Variants in LRP2 observed in about 807,000 individuals in gnomAD.
LRP2 encodes LDL receptor related protein 2, also known as low-density lipoprotein receptor-related protein 2.
Under a neutral mutation model 531.0 loss-of-function variants are expected in LRP2, and 172 were observed. The ratio of observed to expected loss-of-function variants is 0.32; its 90% CI spans 0.29 to 0.37. LRP2 has a LOEUF of 0.37. Among genes scored for constraint, LRP2 ranks in the 10% least tolerant of loss-of-function variants. The probability of loss-of-function intolerance (pLI) is 1.00; values close to 1 mark genes in which losing one functional copy is unlikely to be tolerated. For missense variants in LRP2, 5,167 were observed against 5,868.3 expected (o/e 0.88, Z 3.90); for synonymous variants, 1,992 against 2,027.6 (o/e 0.98, Z 0.47).
At chr2:169,146,629 C>T in intron 69 of LRP2, 110 bp downstream of exon 69, 1 of 893,900 alleles carries the variant, frequency 1.1e-6, no homozygotes, top group Non-Finnish European at 1.7e-6. Context: ...ATCTAAAAAA[C>T]TATATAAGCC....
At chr2:169,140,101 T>C (rs1685664935) in intron 72 of LRP2, among the ~76,000 whole-genome samples, 1 of 152,242 alleles carries the variant, frequency 6.6e-6, no homozygotes, top group South Asian at 2.1e-4. Context: ...AGCCCTGTTG[T>C]AATCAACAAT....
At chr2:169,354,837 A>G (rs1685947043) in intron 1 of LRP2, among the ~76,000 whole-genome samples, 1 of 152,222 alleles carries the variant, frequency 6.6e-6, no homozygotes, top group African/African-American at 2.4e-5. Context: ...GGACACTCAG[A>G]TGTGCACCAA....
chr2:169,154,597 G>A lies in LRP2; in HGVS notation c.12158C>T (p.Ser4053Phe). 3 of 1,613,384 alleles carry A rather than the reference G, an allele frequency of 1.9e-6. No homozygotes were observed. In the South Asian group the frequency reaches 3.3e-5, roughly 18 times the overall value. The stretch of plus-strand genomic sequence containing the variant: ...ATTGTCAGGCAGTAGCAACAAAGGA[G>A]AGCTACCTGTAAACAAACAAAGGGC... ...PGKRCAAEGSSPLLLLPDNVR... is the reference protein window; with the variant it reads ...PGKRCAAEGSFPLLLLPDNVR... The change falls in exon 66 of 79, where the codon TCT becomes TTT. Residue 4053 changes from serine (S) to phenylalanine (F), a missense_variant. Coordinates refer to ENST00000649046, the MANE Select transcript of LRP2 (RefSeq NM_004525.3).
intron 1 of LRP2, among the ~76,000 whole-genome samples, chr2:169,361,388 C>CTCTCTCTCTCTG (rs1686156685): frequency 7.1e-6 from 1 of 140,598 alleles, no homozygotes; most frequent in Non-Finnish European, 1.5e-5. Flanking sequence ...CTCTCTCTCT[C>CTCTCTCTCTCTG]TCTCTCTGTC....
chr2:169,292,125 C>T, intron 7 of LRP2, 128 bp downstream of exon 7: 1 of 764,494 alleles, frequency 1.3e-6, no homozygotes. Flanking sequence ...CTAAACAACC[C>T]CTTCAACTCC....
In LRP2 at chr2:169,174,046, G is replaced by C. The variant is rs762733138; in HGVS notation, c.10887C>G (p.His3629Gln). ...CCGGCCGGCAGGTCCTGCTGGCACAGTGGGAACTGTCTTCATCTGAGTTAT... is the reference window on the plus strand; with the variant it reads ...CCGGCCGGCAGGTCCTGCTGGCACACTGGGAACTGTCTTCATCTGAGTTAT... ...CEDNSDEDSSHCASRTCRPGQ... is the reference protein window; with the variant it reads ...CEDNSDEDSSQCASRTCRPGQ... The change falls in exon 56 of 79, where the codon CAC becomes CAG. Residue 3629 changes from histidine to glutamine, a missense_variant. His to Gln is a conservative substitution (Grantham distance 24). This residue lies in a region of LRP2 where 311 missense variants were observed against 309.4 expected (regional missense o/e 1.01). Coordinates refer to ENST00000649046, the MANE Select transcript of LRP2 (RefSeq NM_004525.3). The C allele has an allele frequency of 2.5e-6, 4 of 1,614,132 alleles. No individual in the cohort carries two copies. Among genetic ancestry groups the C allele is most frequent in the Admixed American group, 3.3e-5 (2 of 60,012 alleles).
chr2:169,174,207 G>A, intron 55 of LRP2, 43 bp from the exon 56 acceptor site: 1 of 1,613,338 alleles, frequency 6.2e-7, no homozygotes, highest in South Asian at 1.1e-5. Flanking sequence ...AAGGCATCAA[G>A]AATGAAAGCT....
At chr2:169,176,717 A>AT in intron 53 of LRP2, 129 bp from the exon 54 acceptor site, 1 of 834,052 alleles carries the variant, frequency 1.2e-6, no homozygotes, top group South Asian at 1.5e-5. Flanking sequence ...TAGATTTATG[A>AT]TTTTCCCAAA....
intron 15 of LRP2, among the ~76,000 whole-genome samples, chr2:169,272,534 C>T (rs1388216742): frequency 6.6e-6 from 1 of 152,000 alleles, no homozygotes; most frequent in Non-Finnish European, 1.5e-5. Context: ...TACAGTACTT[C>T]CCATCAAAGT....
At chr2:169,240,560 C>T (rs1291746892) in intron 25 of LRP2, among the ~76,000 whole-genome samples, 2 of 152,172 alleles carry the variant, frequency 1.3e-5, no homozygotes, top group Non-Finnish European at 2.9e-5. Context: ...AAAGAAATGA[C>T]AGTAATTAGG....
intron 3 of LRP2, among the ~76,000 whole-genome samples, chr2:169,311,326 T>C (rs1429280705): frequency 6.6e-6 from 1 of 152,220 alleles, no homozygotes; most frequent in East Asian, 1.9e-4. Flanking sequence ...CTGCTTTCTC[T>C]TGTGGGCATT....
At chr2:169,228,216 T>C (rs1559028562) in intron 31 of LRP2, among the ~76,000 whole-genome samples, 1 of 151,750 alleles carries the variant, frequency 6.6e-6, no homozygotes, top group Non-Finnish European at 1.5e-5. Context: ...CTCCAAAATC[T>C]ACGTTTTTCA....
intron 4 of LRP2, among the ~76,000 whole-genome samples, chr2:169,296,728 G>A (rs565189292): frequency 8.9e-4 from 136 of 152,136 alleles, no homozygotes; most frequent in African/African-American, 3.1e-3. Context: ...TGGATCTCTC[G>A]TTTTCTTCAT....
intron 63 of LRP2, among the ~76,000 whole-genome samples, chr2:169,158,846 TA>T (rs761633083): frequency 8.0e-5 from 8 of 100,404 alleles, no homozygotes; most frequent in Middle Eastern, 5.3e-3. Flanking sequence ...ACTTTCACAG[TA>T]AAAAAAAAAC....
intron 43 of LRP2, among the ~76,000 whole-genome samples, chr2:169,202,342 C>T (rs2239600): frequency 0.33 from 49,394 of 151,886 alleles, 8,602 homozygotes; most frequent in East Asian, 0.55. Flanking sequence ...CTTTGTGCTA[C>T]GAAAATTGGT....
At chr2:169,230,974 A>T (rs1333238941) in intron 31 of LRP2, among the ~76,000 whole-genome samples, 1 of 152,208 alleles carries the variant, frequency 6.6e-6, no homozygotes, top group East Asian at 1.9e-4. Flanking sequence ...TAGAACACTC[A>T]TTAACTATTG....
chr2:169,160,299 G>A (rs910978760), intron 63 of LRP2, among the ~76,000 whole-genome samples: 2 of 152,052 alleles, frequency 1.3e-5, no homozygotes, highest in African/African-American at 4.8e-5. Flanking sequence ...TTTTTTTAAA[G>A]ATAACTATGT....
At chr2:169,314,275 C>T (rs1327641763) in intron 3 of LRP2, among the ~76,000 whole-genome samples, 1 of 151,828 alleles carries the variant, frequency 6.6e-6, no homozygotes, top group Non-Finnish European at 1.5e-5. Context: ...CAGTGGCTCA[C>T]TTCCAAGTAG....
rs771625747 is a variant in LRP2, at chr2:169,216,253, C to T, written c.5826G>A (p.Val1942=). 1.1e-5 allele frequency: 18 copies of T among 1,613,186 alleles called. No individual in the cohort carries two copies. In the East Asian group the frequency reaches 3.8e-4, roughly 34 times the overall value. The part of the protein sequence containing the change: ...KLYWAVTGRG[V]IERGNVDGTD... ...CAAAAGACTGAAAGGGTGCTCATAC[C>T]ACTCCTCTTCCAGTGACTGCCCAGT... Residue 1942 remains valine, a splice_region_variant and synonymous_variant, in exon 35 of 79, where the codon GTG becomes GTA. Transcript: ENST00000649046.
Sources: allele counts gnomAD v4.1 joint callset (sites outside exome capture counted in the v4.1 genomes callset), GRCh38; gene constraint gnomAD v4.1.1; regional missense constraint gnomAD v4.1.1; transcripts MANE v1.5; gene names NCBI Gene and HGNC (gene_info 2026-07-23, HGNC 2026-07-21).